The following MEI1 variants were observed in gnomAD, a reference collection of about 807,000 sequenced individuals.
MEI1 encodes meiotic double-stranded break formation protein 1.
MEI1 carries 103 observed loss-of-function variants against 146.2 expected under a neutral mutation model. The observed-to-expected ratio is 0.70, with a 90% CI of 0.60 to 0.83. MEI1 has a LOEUF of 0.83. Among genes scored for constraint, MEI1 ranks in the 40% least tolerant of loss-of-function variants. The probability of loss-of-function intolerance (pLI) is 0.00; values close to 1 mark genes in which losing one functional copy is unlikely to be tolerated. For missense variants in MEI1, 1,529 were observed against 1,533.0 expected (o/e 1.00, Z 0.04); for synonymous variants, 652 against 628.2 (o/e 1.04, Z -0.57).
At chr22:41,780,767 G>A (rs113634111) in intron 22 of MEI1, among the ~76,000 whole-genome samples, 1 of 151,674 alleles carries the variant, frequency 6.6e-6, no homozygotes, top group Non-Finnish European at 1.5e-5. Context: ...TTTTTTTGTG[G>A]AGAGACGGGG....
chr22:41,754,700 G>A (rs1396320180), intron 17 of MEI1, among the ~76,000 whole-genome samples: 3 of 152,164 alleles, frequency 2.0e-5, no homozygotes, highest in African/African-American at 7.2e-5. Flanking sequence ...AAAGTGCTGA[G>A]ATTACAGATG....
chr22:41,768,486 A>G (rs1467003012), intron 19 of MEI1, among the ~76,000 whole-genome samples: 1 of 152,180 alleles, frequency 6.6e-6, no homozygotes, highest in Non-Finnish European at 1.5e-5. Context: ...AAGTATAAGG[A>G]CTTTGTGTTA....
At chr22:41,703,667 T>A (rs1358518009) in intron 2 of MEI1, among the ~76,000 whole-genome samples, 1 of 152,024 alleles carries the variant, frequency 6.6e-6, no homozygotes, top group Non-Finnish European at 1.5e-5. Flanking sequence ...AGCCAAGAAG[T>A]TAGTAAAAGT....
intron 30 of MEI1, among the ~76,000 whole-genome samples, chr22:41,798,506 A>T (rs1160267227): frequency 6.6e-6 from 1 of 151,972 alleles, no homozygotes; most frequent in African/African-American, 2.4e-5. Context: ...GGAACCTGGG[A>T]GGCAGAGGCT....
chr22:41,756,921 CA>C, intron 17 of MEI1, among the ~76,000 whole-genome samples: 1 of 152,368 alleles, frequency 6.6e-6, no homozygotes, highest in Middle Eastern at 3.4e-3. Context: ...CTGCAGATTA[CA>C]TCACATAGTT....
Position 41,795,464 on chromosome 22 carries a change from T to C in MEI1, c.3588T>C (p.Val1196=). Residue 1196 remains valine, a synonymous_variant, in exon 29 of 31, where the codon GTT becomes GTC. Transcript: ENST00000401548. This position sits in a 1 kb window ranked among gnomAD's most constrained non-coding sequence, Gnocchi z 4.2. ...TCTCTCATGAAGAGGTGGGTGATGT[T>C]CTGCAAGGTGTGGCTTTGGCTGACC... ...SVLSHEEVGD[V]LQGVALADLS... The C allele has an allele frequency of 6.2e-7, 1 of 1,613,510 alleles. No homozygotes were observed.
In MEI1 at chr22:41,732,225, G is replaced by C; in HGVS notation, c.1097-20G>C. 1 of 1,588,518 alleles carries C rather than the reference G, an allele frequency of 6.3e-7. No homozygotes were observed. Among genetic ancestry groups the C allele is most frequent in the Non-Finnish European group, 8.6e-7 (1 of 1,165,008 alleles). On this transcript the variant is annotated intron_variant, in intron 9 of 30. Coordinates refer to ENST00000401548, the MANE Select transcript of MEI1 (RefSeq NM_152513.4). ...AAGAGAGCACTGATCCCTGGCCTCT[G>C]TCATGTCATCCTGTGGTAGGGATCG...
At chr22:41,761,472 G>A (rs770136528) in intron 18 of MEI1, among the ~76,000 whole-genome samples, 4 of 151,872 alleles carry the variant, frequency 2.6e-5, no homozygotes, top group South Asian at 2.1e-4. Context: ...CCGCTACCAC[G>A]CCCGGCTAAT....
At chr22:41,730,748 GTC>G (rs2071784840) in intron 9 of MEI1, 111 bp downstream of exon 9, 1 of 680,748 alleles carries the variant, frequency 1.5e-6, no homozygotes, top group African/African-American at 1.8e-5. Flanking sequence ...GGAGCACTGA[GTC>G]TAGACATTTC....
At chr22:41,787,672 G>A (rs191996189) in intron 26 of MEI1, among the ~76,000 whole-genome samples, 7 of 152,152 alleles carry the variant, frequency 4.6e-5, no homozygotes, top group Non-Finnish European at 1.0e-4. Flanking sequence ...TTCTAAAAGC[G>A]CTGATGTTCC....
chr22:41,757,056 C>T (rs970972051), intron 17 of MEI1, among the ~76,000 whole-genome samples: 4 of 152,132 alleles, frequency 2.6e-5, no homozygotes, highest in South Asian at 2.1e-4. Flanking sequence ...TTTCTCCTGT[C>T]GCTGCCTCTT....
At chr22:41,747,355 C>T (rs1018626548) in intron 14 of MEI1, 7 of 152,662 alleles carry the variant, frequency 4.6e-5, no homozygotes, top group African/African-American at 7.3e-5. Flanking sequence ...TTGATCACAA[C>T]CAGTTACAGA....
intron 17 of MEI1, among the ~76,000 whole-genome samples, chr22:41,757,243 C>T (rs1399041933): frequency 1.3e-5 from 2 of 152,176 alleles, no homozygotes; most frequent in Admixed American, 6.6e-5. Flanking sequence ...TACAGGGGCC[C>T]GCCACCTCGC....
intron 20 of MEI1, among the ~76,000 whole-genome samples, chr22:41,775,663 G>A (rs889157618): frequency 1.3e-4 from 20 of 149,020 alleles, no homozygotes; most frequent in African/African-American, 5.0e-4. Context: ...GTGCGATCTC[G>A]GCTCACTGCA....
intron 17 of MEI1, among the ~76,000 whole-genome samples, chr22:41,758,098 ACT>A (rs926765707): frequency 3.9e-5 from 6 of 152,090 alleles, no homozygotes; most frequent in Non-Finnish European, 5.9e-5. Flanking sequence ...ACAGAGCGAG[ACT>A]CTGTCAAAAG....
chr22:41,724,157 CCTAT>C, intron 7 of MEI1, 84 bp downstream of exon 7: 1 of 1,502,340 alleles, frequency 6.7e-7, no homozygotes, highest in Non-Finnish European at 9.1e-7. Flanking sequence ...ATCTACCACT[CCTAT>C]CTCAGATTTC....
At position 41,745,948 on chromosome 22, in the gene MEI1, C is replaced by T. The variant is rs867352578; in HGVS notation, c.1602C>T (p.Ala534=). 1.2e-6 allele frequency: 2 copies of T among 1,613,458 alleles called. No homozygotes were observed. Among genetic ancestry groups the T allele is most frequent in the African/African-American group, 2.7e-5 (2 of 74,908 alleles). ...AGAATCCATTCACAGCTCCCAGCGC[C>T]AAGAAGGAAGACACCTTGGAGGCCT... ...AQENPFTAPS[A]KKEDTLEAFS... The change falls in exon 14 of 31, where the codon GCC becomes GCT. Residue 534 remains alanine (A), a synonymous_variant. Coordinates refer to ENST00000401548, the MANE Select transcript of MEI1 (RefSeq NM_152513.4).
At chr22:41,768,725 G>GTGAA (rs2075003834) in intron 19 of MEI1, among the ~76,000 whole-genome samples, 1 of 152,098 alleles carries the variant, frequency 6.6e-6, no homozygotes, top group East Asian at 1.9e-4. Context: ...AACAACCAGA[G>GTGAA]CTCATGAGAA....
chr22:41,706,716 TA>T (rs887384164), intron 3 of MEI1, among the ~76,000 whole-genome samples: 85 of 139,434 alleles, frequency 6.1e-4, no homozygotes, highest in Middle Eastern at 3.5e-3. Flanking sequence ...CCCTTTCTCT[TA>T]AAAAAAAAAA....
Sources: gnomAD v4.1 joint callset for allele counts (sites outside exome capture counted in the v4.1 genomes callset) on GRCh38, gnomAD v4.1.1 for gene constraint, Gnocchi (gnomAD v3.1) non-coding constraint, MANE v1.5 for transcripts, NCBI Gene and HGNC (gene_info 2026-07-23, HGNC 2026-07-21) for gene names.